The following KCNMB4 variants were observed in gnomAD, a reference collection of about 807,000 sequenced individuals.
The protein encoded by KCNMB4 is potassium calcium-activated channel subfamily M regulatory beta subunit 4, also known as calcium-activated potassium channel subunit beta-4.
In KCNMB4, 3 loss-of-function variants were observed where a neutral mutation model predicts 20.7. That is an observed-to-expected ratio of 0.14 (90% CI 0.07 to 0.37). The LOEUF (loss-of-function observed/expected upper bound fraction) is 0.37. Ranked by LOEUF, KCNMB4 falls within the 10% of genes least tolerant of loss-of-function variation. The pLI is 1.00. For missense variants in KCNMB4, 168 were observed against 265.9 expected, an observed-to-expected ratio of 0.63 and a Z score of 2.56; for synonymous variants, 110 against 113.4, an observed-to-expected ratio of 0.97 and a Z score of 0.19.
chr12:70,429,055 A>G (rs982653829), intron 2 of KCNMB4, among the ~76,000 whole-genome samples: 4 of 152,244 alleles, frequency 2.6e-5, no homozygotes, highest in African/African-American at 9.6e-5. Flanking sequence ...AGTCTGTAAA[A>G]CTATTTATGT....
At chr12:70,398,601 A>C in intron 1 of KCNMB4, among the ~76,000 whole-genome samples, 1 of 150,192 alleles carries the variant, frequency 6.7e-6, no homozygotes, top group East Asian at 2.0e-4. Flanking sequence ...TATAATAGAC[A>C]ACCAAATTTA....
intron 2 of KCNMB4, among the ~76,000 whole-genome samples, chr12:70,401,684 T>C (rs1366611269): frequency 1.3e-5 from 2 of 151,090 alleles, no homozygotes; most frequent in African/African-American, 4.9e-5. Context: ...TGCTCATTTG[T>C]AGTCGGATGA....
intron 2 of KCNMB4, among the ~76,000 whole-genome samples, chr12:70,412,574 C>CA (rs1232336071): frequency 6.6e-6 from 1 of 151,938 alleles, no homozygotes. Flanking sequence ...GATGCAAGCT[C>CA]AAAAAAAGAT....
chr12:70,384,100 T>C (rs1883844090), intron 1 of KCNMB4, among the ~76,000 whole-genome samples: 1 of 152,118 alleles, frequency 6.6e-6, no homozygotes, highest in South Asian at 2.1e-4. Flanking sequence ...TCATTGAATT[T>C]AGGGCCTACT....
At position 70,400,085 on chromosome 12, in the gene KCNMB4, T is replaced by C. The variant is rs1219231066; in HGVS notation, c.337-124T>C. 6 of 703,172 alleles carry C rather than the reference T, an allele frequency of 8.5e-6. No homozygotes were observed. In the Admixed American group the frequency reaches 2.0e-4, roughly 24 times the overall value. The allele number at this position is 703,172 out of a possible 1,614,324, so 43.6% of individuals were successfully genotyped here. On this transcript the variant is annotated intron_variant, in intron 1 of 2. Coordinates refer to ENST00000258111, the MANE Select transcript of KCNMB4 (RefSeq NM_014505.6). ...GTTTAGTAATTTCAATTTGGTTGTA[T>C]TTAAAAATTAGGGAGGCCTAAATTA...
intron 1 of KCNMB4, among the ~76,000 whole-genome samples, chr12:70,381,903 C>T (rs1041253849): frequency 2.6e-5 from 4 of 152,034 alleles, no homozygotes; most frequent in Non-Finnish European, 4.4e-5. Context: ...AAATCTCTTG[C>T]CCAAAAAATA....
chr12:70,415,756 C>T (rs769616847), intron 2 of KCNMB4, among the ~76,000 whole-genome samples: 2 of 152,096 alleles, frequency 1.3e-5, no homozygotes, highest in Non-Finnish European at 2.9e-5. Flanking sequence ...TACAAATGTC[C>T]ATTGCATTTT....
chr12:70,375,001 A>G (rs1883660526), intron 1 of KCNMB4, among the ~76,000 whole-genome samples: 1 of 152,198 alleles, frequency 6.6e-6, no homozygotes, highest in African/African-American at 2.4e-5. Context: ...AAAACCAGAC[A>G]ATAATACTCT....
rs1340819038 is a variant in KCNMB4, at chr12:70,433,726, C to G, written c.*3073C>G. On this transcript the variant is annotated 3_prime_UTR_variant, in exon 3 of 3. Coordinates refer to ENST00000258111, the MANE Select transcript of KCNMB4 (RefSeq NM_014505.6). Reference sequence around the variant, plus strand: ...TCTGCTGAGCAGGCATGATGGAGATCCCTTGCCCAGCAGAAAGTGTTCCTT... The same window carrying G: ...TCTGCTGAGCAGGCATGATGGAGATGCCTTGCCCAGCAGAAAGTGTTCCTT... 2 of 152,260 alleles carry G rather than the reference C, an allele frequency of 1.3e-5. No individual in the cohort carries two copies. Among genetic ancestry groups the G allele is most frequent in the South Asian group, 2.1e-4 (1 of 4,832 alleles). 9.4% of individuals were successfully genotyped at this position (152,260 alleles called of 1,614,324 possible).
At chr12:70,421,880 CTTT>C (rs34594277) in intron 2 of KCNMB4, among the ~76,000 whole-genome samples, 31 of 136,858 alleles carry the variant, frequency 2.3e-4, no homozygotes, top group Non-Finnish European at 2.7e-4. Flanking sequence ...CATGCCTGGC[CTTT>C]TTTTTTTTTT....
At chr12:70,411,773 G>A (rs567136721) in intron 2 of KCNMB4, among the ~76,000 whole-genome samples, 1 of 152,256 alleles carries the variant, frequency 6.6e-6, no homozygotes, top group South Asian at 2.1e-4. Context: ...GGGAGACCCT[G>A]TCTAAAAAAA....
At chr12:70,392,846 C>T (rs543125078) in intron 1 of KCNMB4, among the ~76,000 whole-genome samples, 13 of 152,006 alleles carry the variant, frequency 8.6e-5, no homozygotes, top group African/African-American at 2.7e-4. Flanking sequence ...GTGGGAAACT[C>T]GGGGAGAAAT....
intron 1 of KCNMB4, among the ~76,000 whole-genome samples, chr12:70,377,067 TA>T (rs1450291255): frequency 1.3e-5 from 2 of 152,180 alleles, no homozygotes; most frequent in Non-Finnish European, 2.9e-5. Context: ...CCAATATTGT[TA>T]AGATGGCAGT....
chr12:70,417,342 T>G (rs951607498), intron 2 of KCNMB4, among the ~76,000 whole-genome samples: 2 of 152,124 alleles, frequency 1.3e-5, no homozygotes, highest in Non-Finnish European at 2.9e-5. Flanking sequence ...GGTCTGAAAT[T>G]GTGACATGTA....
At chr12:70,383,003 C>A (rs1339381176) in intron 1 of KCNMB4, among the ~76,000 whole-genome samples, 1 of 152,140 alleles carries the variant, frequency 6.6e-6, no homozygotes, top group Admixed American at 6.5e-5. Flanking sequence ...GTACTGAATA[C>A]TATAGGCAGT....
intron 2 of KCNMB4, among the ~76,000 whole-genome samples, chr12:70,427,630 G>A (rs1006519814): frequency 6.6e-6 from 1 of 152,172 alleles, no homozygotes; most frequent in African/African-American, 2.4e-5. Flanking sequence ...CGCTCTGGTA[G>A]GAGGTGGAAT....
intron 2 of KCNMB4, among the ~76,000 whole-genome samples, chr12:70,421,881 T>G (rs1869072169): frequency 1.4e-5 from 1 of 72,010 alleles, no homozygotes; most frequent in Admixed American, 1.2e-4. Flanking sequence ...ATGCCTGGCC[T>G]TTTTTTTTTT....
intron 2 of KCNMB4, among the ~76,000 whole-genome samples, chr12:70,417,961 C>G (rs367770601): frequency 6.6e-6 from 1 of 152,136 alleles, no homozygotes; most frequent in Non-Finnish European, 1.5e-5. Context: ...TCAGCTAGCC[C>G]GTGTTGCTAT....
chr12:70,371,369 A>T (rs1207934543), intron 1 of KCNMB4, among the ~76,000 whole-genome samples: 1 of 152,168 alleles, frequency 6.6e-6, no homozygotes, highest in African/African-American at 2.4e-5. Flanking sequence ...GTGGTGGCTC[A>T]CAGTCACCTA....
Sources: allele counts gnomAD v4.1 joint callset (sites outside exome capture counted in the v4.1 genomes callset), GRCh38; gene constraint gnomAD v4.1.1; transcripts MANE v1.5; gene names NCBI Gene and HGNC (gene_info 2026-07-23, HGNC 2026-07-21).